The following HECW1 variants were observed in gnomAD, a reference collection of about 807,000 sequenced individuals.
HECW1 encodes the protein E3 ubiquitin-protein ligase HECW1.
In HECW1, 61 loss-of-function variants were observed where a neutral mutation model predicts 182.3. The observed-to-expected ratio is 0.33, with a 90% CI of 0.27 to 0.41. The LOEUF is 0.41. HECW1 is among the 10% of genes least tolerant of loss of function. HECW1 has a pLI of 1.00. For missense variants in HECW1, 1,739 were observed against 2,108.9 expected (o/e 0.82, Z 3.44); for synonymous variants, 859 against 832.6 (o/e 1.03, Z -0.55).
In HECW1 at chr7:43,501,283, C is replaced by G. The variant is rs1241870140; in HGVS notation, c.3592C>G (p.Pro1198Ala). ...AAFHPGYSFS[P>A]RCSPCSSPQN... is the part of the protein sequence containing the mutation. ...CTTCCACCCTGGGTATAGCTTCTCT[C>G]CCCGATGTTCACCCTGTTCTTCACC... The change falls in exon 21 of 30, where the codon CCC becomes GCC. Residue 1198 changes from proline to alanine, a missense_variant. Pro to Ala is a conservative substitution (Grantham distance 27, BLOSUM62 -1). Coordinates refer to ENST00000395891, the MANE Select transcript of HECW1 (RefSeq NM_015052.5). 1 of 1,609,802 alleles carries G rather than the reference C, an allele frequency of 6.2e-7. No homozygotes were observed. The highest frequency in any genetic ancestry group is 1.3e-5 in the African/African-American group (1 of 74,200).
At chr7:43,163,995 A>G (rs73690262) in intron 2 of HECW1, among the ~76,000 whole-genome samples, 15,443 of 152,232 alleles carry the variant, frequency 0.1, 1,112 homozygotes, top group African/African-American at 0.21. Context: ...GGTGGGCAGG[A>G]GTTCATCCTG....
At chr7:43,177,798 T>G (rs1792407142) in intron 2 of HECW1, among the ~76,000 whole-genome samples, 1 of 152,178 alleles carries the variant, frequency 6.6e-6, no homozygotes, top group Admixed American at 6.5e-5. Flanking sequence ...TCTCAATGCC[T>G]TCTCCCCTTC....
intron 17 of HECW1, among the ~76,000 whole-genome samples, chr7:43,483,423 G>A (rs964588404): frequency 1.8e-4 from 27 of 151,856 alleles, no homozygotes; most frequent in Admixed American, 1.7e-3. Flanking sequence ...ACCCATAGAT[G>A]GTAGCATTAC....
Position 43,416,672 on chromosome 7 carries a change from A to G in HECW1, c.801+8941A>G, listed in dbSNP as rs541710816. On this transcript the variant is annotated intron_variant, in intron 8 of 29. Coordinates refer to ENST00000395891, the MANE Select transcript of HECW1 (RefSeq NM_015052.5). ...TTGATCTCAGACTGCTGTGCTAGCA[A>G]TCAGCGAGATTCCGTGGGCGTAGGA... Among the ~76,000 whole-genome samples the G allele has an allele frequency of 5.5e-5, 8 of 146,424 alleles. No individual in the cohort carries two copies. The East Asian group carries it at 1.4e-3, about 26-fold the overall frequency.
At chr7:43,430,388 C>A (rs1373123665) in intron 8 of HECW1, among the ~76,000 whole-genome samples, 1 of 152,124 alleles carries the variant, frequency 6.6e-6, no homozygotes, top group African/African-American at 2.4e-5. Context: ...AAAAGCAGAT[C>A]AAGTTAGTAA....
intron 24 of HECW1, among the ~76,000 whole-genome samples, chr7:43,520,202 T>A (rs956361679): frequency 1.3e-5 from 2 of 152,216 alleles, no homozygotes; most frequent in Non-Finnish European, 2.9e-5. Context: ...ATATTGTGAA[T>A]GCCTCATGTA....
At chr7:43,272,349 A>C (rs1802513558) in intron 3 of HECW1, among the ~76,000 whole-genome samples, 1 of 152,212 alleles carries the variant, frequency 6.6e-6, no homozygotes, top group Admixed American at 6.5e-5. Context: ...TATTAAACTA[A>C]AGAGCTTCTG....
chr7:43,386,707 A>G (rs765865), intron 6 of HECW1, among the ~76,000 whole-genome samples: 96,550 of 152,026 alleles, frequency 0.64, 31,013 homozygotes, highest in African/African-American at 0.72. Flanking sequence ...CTCAAGTTGT[A>G]AGCCCTCATC....
chr7:43,465,062 G>C (rs1022058867), intron 14 of HECW1, among the ~76,000 whole-genome samples: 1 of 152,004 alleles, frequency 6.6e-6, no homozygotes, highest in African/African-American at 2.4e-5. Context: ...TCAGCCTCCC[G>C]AAGTGCTAGG....
At chr7:43,298,793 G>C (rs75280456) in intron 3 of HECW1, among the ~76,000 whole-genome samples, 4 of 152,098 alleles carry the variant, frequency 2.6e-5, no homozygotes, top group African/African-American at 9.7e-5. Flanking sequence ...GCTGGTCTCC[G>C]TTGCCACCAC....
intron 15 of HECW1, among the ~76,000 whole-genome samples, chr7:43,467,594 G>A (rs932675033): frequency 4.6e-5 from 7 of 152,194 alleles, no homozygotes; most frequent in African/African-American, 1.7e-4. Context: ...GAGTGTCGGG[G>A]AGAGACTGAG....
chr7:43,373,806 C>T (rs771839527), intron 6 of HECW1, among the ~76,000 whole-genome samples: 7 of 152,172 alleles, frequency 4.6e-5, no homozygotes, highest in South Asian at 2.1e-4. Context: ...TCCCCATCCT[C>T]GGAGCCCTTG....
In HECW1 at chr7:43,444,179, C is replaced by T. The variant is rs2076971959; in HGVS notation, c.1046-39C>T. On this transcript the variant is annotated intron_variant, in intron 10 of 29. Transcript: ENST00000395891. This position sits in a 1 kb window ranked among gnomAD's most constrained non-coding sequence, Gnocchi z 4.3. ...GGGTATCCTAACACCACAATGCTCT[C>T]TTCTGGGAGAAATGACATATTTTTC... 1 of 1,564,190 alleles carries T rather than the reference C, an allele frequency of 6.4e-7. No individual in the cohort carries two copies.
chr7:43,486,479 CT>C, intron 17 of HECW1, among the ~76,000 whole-genome samples: 1 of 152,174 alleles, frequency 6.6e-6, no homozygotes, highest in South Asian at 2.1e-4. Context: ...TTTTTTGTAT[CT>C]TTAGTAGAGA....
intron 2 of HECW1, among the ~76,000 whole-genome samples, chr7:43,206,837 C>A (rs1315247434): frequency 6.6e-6 from 1 of 152,172 alleles, no homozygotes; most frequent in Admixed American, 6.5e-5. Context: ...CTGAAATAAT[C>A]TTTAAGCTAT....
At chr7:43,177,743 G>A (rs560624002) in intron 2 of HECW1, among the ~76,000 whole-genome samples, 15 of 152,254 alleles carry the variant, frequency 9.9e-5, no homozygotes, top group South Asian at 8.3e-4. Flanking sequence ...ATGAAGCTTA[G>A]CACAGCGTCT....
chr7:43,535,866 A>G (rs1418611990), intron 24 of HECW1, among the ~76,000 whole-genome samples: 1 of 152,184 alleles, frequency 6.6e-6, no homozygotes, highest in Non-Finnish European at 1.5e-5. Flanking sequence ...CTTGTATTTT[A>G]CTTTACACTA....
intron 24 of HECW1, among the ~76,000 whole-genome samples, chr7:43,537,147 GTGAGCA>G: frequency 6.6e-6 from 1 of 152,318 alleles, no homozygotes; most frequent in South Asian, 2.1e-4. Context: ...AGAGAAAGAA[GTGAGCA>G]AAGCCCTGCA....
intron 8 of HECW1, among the ~76,000 whole-genome samples, chr7:43,435,612 G>C (rs957961922): frequency 2.6e-5 from 4 of 152,146 alleles, no homozygotes; most frequent in Non-Finnish European, 4.4e-5. Flanking sequence ...GTTCTGAGGA[G>C]CTATGTTTGG....
Sources: allele counts gnomAD v4.1 joint callset (sites outside exome capture counted in the v4.1 genomes callset), GRCh38; gene constraint gnomAD v4.1.1; non-coding constraint Gnocchi (gnomAD v3.1); transcripts MANE v1.5; gene names NCBI Gene and HGNC (gene_info 2026-07-23, HGNC 2026-07-21).